LCLAT1: variants seen among roughly 807,000 people sequenced by gnomAD.
LCLAT1 encodes 1-AGP acyltransferase 8.
A neutral mutation model predicts 30.7 loss-of-function variants in LCLAT1; 11 were observed. That is an observed-to-expected ratio of 0.36 (90% confidence interval 0.23 to 0.59). LCLAT1 has a LOEUF of 0.59. Among genes scored for constraint, LCLAT1 ranks in the 20% least tolerant of loss-of-function variants. LCLAT1 has a pLI of 0.77. For missense variants in LCLAT1, 402 were observed against 458.6 expected (o/e 0.88, Z 1.13); for synonymous variants, 155 against 151.3 (o/e 1.02, Z -0.18).
chr2:30,465,076 T>G (rs1019110397), intron 1 of LCLAT1, among the ~76,000 whole-genome samples: 1 of 152,094 alleles, frequency 6.6e-6, no homozygotes, highest in African/African-American at 2.4e-5. Flanking sequence ...AATATTCAAG[T>G]CCTAATCCTG....
Position 30,525,639 on chromosome 2 carries a change from A to G in LCLAT1, c.49A>G (p.Ser17Gly), listed in dbSNP as rs755570082. The part of the protein sequence containing the change: ...IYFILTLFWG[S>G]FFGSIFMLSP... ...CTTTATACTGACTCTGTTTTGGGGA[A>G]GCTTTTTTGGAAGCATTTTCATGCT... Residue 17 changes from serine (S) to glycine (G), a missense_variant, in exon 2 of 6, where the codon AGC (serine) becomes GGC (glycine). By Grantham distance (56) the Ser-to-Gly change is moderately conservative. Transcript: ENST00000379509. The G allele has an allele frequency of 1.2e-6, 2 of 1,614,014 alleles. No homozygotes were observed. Among genetic ancestry groups the G allele is most frequent in the Non-Finnish European group, 1.7e-6 (2 of 1,179,884 alleles).
At chr2:30,576,922 G>A (rs1347403105) in intron 5 of LCLAT1, among the ~76,000 whole-genome samples, 1 of 151,704 alleles carries the variant, frequency 6.6e-6, no homozygotes, top group East Asian at 1.9e-4. Context: ...ATTTGCTGGA[G>A]TATATGTGTG....
At chr2:30,521,467 T>G (rs1282822909) in intron 1 of LCLAT1, among the ~76,000 whole-genome samples, 1 of 141,172 alleles carries the variant, frequency 7.1e-6, no homozygotes, top group Admixed American at 7.1e-5. Flanking sequence ...TAGAACAGTT[T>G]CCTCAACCCC....
At position 30,514,912 on chromosome 2, in the gene LCLAT1, A is replaced by C. The variant is rs1465511562; in HGVS notation, c.-4-10675A>C. On this transcript the variant is annotated intron_variant, in intron 1 of 5. Coordinates refer to ENST00000379509, the MANE Select transcript of LCLAT1 (RefSeq NM_001002257.3). ...TTTCACTTTTAACATTTATCCTAAA[A>C]CATGACTCATATGCCTTAGATATTT... is the stretch of plus-strand genomic sequence containing the variant. 2.0e-5 allele frequency among the ~76,000 whole-genome samples: 3 copies of C among 152,192 alleles called. No homozygotes were observed. In the East Asian group the frequency reaches 5.8e-4, roughly 29 times the overall value.
intron 1 of LCLAT1, among the ~76,000 whole-genome samples, chr2:30,520,392 A>C (rs1208799635): frequency 6.6e-6 from 1 of 152,206 alleles, no homozygotes; most frequent in Non-Finnish European, 1.5e-5. Context: ...AGGCTATTTA[A>C]AAATAGGTGT....
intron 5 of LCLAT1, among the ~76,000 whole-genome samples, chr2:30,638,863 T>TCTCCCACATCCAGTTGGCCACTG (rs1192664329): frequency 1.2e-4 from 18 of 147,816 alleles, no homozygotes; most frequent in Admixed American, 2.6e-4. Flanking sequence ...GTCACATCCG[T>TCTCCCACATCCAGTTGGCCACTG]TCTTCCTTGT....
chr2:30,461,015 C>G (rs1485295755), intron 1 of LCLAT1, among the ~76,000 whole-genome samples: 2 of 152,180 alleles, frequency 1.3e-5, no homozygotes, highest in African/African-American at 4.8e-5. Flanking sequence ...TTGGGCTGTT[C>G]CTGAGTTGTA....
chr2:30,467,372 C>G (rs199814483), intron 1 of LCLAT1, among the ~76,000 whole-genome samples: 287 of 139,836 alleles, frequency 2.1e-3, no homozygotes, highest in Admixed American at 2.8e-3. Flanking sequence ...CAAGTCTTTG[C>G]TATTGTGAAT....
chr2:30,574,096 T>A (rs1043426558), intron 5 of LCLAT1, among the ~76,000 whole-genome samples: 47 of 151,814 alleles, frequency 3.1e-4, no homozygotes, highest in African/African-American at 1.1e-3. Context: ...GAGCTGAGAT[T>A]GCACCACTAT....
chr2:30,633,664 G>A (rs534984105), intron 5 of LCLAT1, among the ~76,000 whole-genome samples: 20 of 152,236 alleles, frequency 1.3e-4, no homozygotes, highest in East Asian at 1.2e-3. Flanking sequence ...CAGCCTAGGG[G>A]ACAGAGCGAG....
At chr2:30,504,789 C>T (rs1684577011) in intron 1 of LCLAT1, among the ~76,000 whole-genome samples, 2 of 152,100 alleles carry the variant, frequency 1.3e-5, no homozygotes, top group Admixed American at 6.6e-5. Flanking sequence ...GTTTAATTCC[C>T]TTTGACCACC....
intron 1 of LCLAT1, among the ~76,000 whole-genome samples, chr2:30,448,439 A>T (rs1681376526): frequency 6.6e-6 from 1 of 152,244 alleles, no homozygotes; most frequent in Non-Finnish European, 1.5e-5. Flanking sequence ...TATGCTTGAT[A>T]TGACAGATAA....
chr2:30,594,643 C>T (rs1393313413), intron 5 of LCLAT1, among the ~76,000 whole-genome samples: 1 of 152,160 alleles, frequency 6.6e-6, no homozygotes, highest in East Asian at 1.9e-4. Context: ...TGGCCAGTTA[C>T]CACTATTGGA....
intron 5 of LCLAT1, among the ~76,000 whole-genome samples, chr2:30,570,012 A>G (rs1281581370): frequency 2.0e-5 from 3 of 151,712 alleles, no homozygotes; most frequent in Non-Finnish European, 4.4e-5. Context: ...TGTAACTTAG[A>G]CTCACCCTTC....
At chr2:30,573,746 C>T (rs1050324374) in intron 5 of LCLAT1, among the ~76,000 whole-genome samples, 1 of 152,128 alleles carries the variant, frequency 6.6e-6, no homozygotes, top group African/African-American at 2.4e-5. Flanking sequence ...ATTTTTCTTA[C>T]GATAGTATCA....
At chr2:30,605,881 C>A (rs1667415006) in intron 5 of LCLAT1, 3 of 435,010 alleles carry the variant, frequency 6.9e-6, no homozygotes, top group Non-Finnish European at 1.1e-5. Flanking sequence ...TGAAACTGTT[C>A]CACCTCAGAT....
intron 1 of LCLAT1, among the ~76,000 whole-genome samples, chr2:30,478,070 TAAAAAAAAA>T (rs79364091): frequency 8.7e-6 from 1 of 114,988 alleles, no homozygotes; most frequent in South Asian, 2.8e-4. Flanking sequence ...AGTGAGGGAT[TAAAAAAAAA>T]AAAAAAAAAA....
intron 1 of LCLAT1, among the ~76,000 whole-genome samples, chr2:30,518,235 G>A (rs772475084): frequency 2.6e-5 from 4 of 152,092 alleles, no homozygotes; most frequent in Non-Finnish European, 4.4e-5. Context: ...ATTTCCTAAC[G>A]GGATTTAAAT....
chr2:30,552,418 ATTAAGTTTG>A, intron 3 of LCLAT1: 1 of 351,162 alleles, frequency 2.8e-6, no homozygotes, highest in African/African-American at 2.2e-5. Context: ...TATATTTAGA[ATTAAGTTTG>A]TTAGAGTATT....
Sources: gnomAD v4.1 joint callset for allele counts (sites outside exome capture counted in the v4.1 genomes callset) on GRCh38, gnomAD v4.1.1 for gene constraint, MANE v1.5 for transcripts, NCBI Gene and HGNC (gene_info 2026-07-23, HGNC 2026-07-21) for gene names.